The following FRMPD3 variants were observed in gnomAD, a reference collection of about 807,000 sequenced individuals.
FRMPD3 encodes FERM and PDZ domain containing 3.
In FRMPD3, 42 loss-of-function variants were observed where a neutral mutation model predicts 97.9. The observed-to-expected ratio is 0.43, with a 90% CI of 0.34 to 0.55. The LOEUF is 0.55. Ranked by LOEUF, FRMPD3 falls within the 20% of genes least tolerant of loss-of-function variation. The pLI is 0.03. For missense variants in FRMPD3, 1,303 were observed against 1,457.7 expected (o/e 0.89, Z 1.73); for synonymous variants, 577 against 581.1 (o/e 0.99, Z 0.10).
intron 14 of FRMPD3, among the ~76,000 whole-genome samples, chrX:107,598,991 A>G (rs1480011415): frequency 8.9e-6 from 1 of 111,769 alleles, no homozygotes; most frequent in Non-Finnish European, 1.9e-5. Flanking sequence ...AAGAGAAGAG[A>G]GCTGGGCGTG....
intron 4 of FRMPD3, among the ~76,000 whole-genome samples, chrX:107,543,299 C>G (rs1921405718): frequency 1.8e-5 from 2 of 111,287 alleles, no homozygotes; most frequent in Non-Finnish European, 3.8e-5. Flanking sequence ...AGCTGCCTCT[C>G]TGAGCATCTC....
chrX:107,485,959 C>T (rs780100885), intron 1 of FRMPD3, among the ~76,000 whole-genome samples: 4 of 112,175 alleles, frequency 3.6e-5, no homozygotes, highest in Admixed American at 9.4e-5. Flanking sequence ...CACCTGCAAT[C>T]GGCCATTCTC....
intron 1 of FRMPD3, among the ~76,000 whole-genome samples, chrX:107,453,932 GGAAA>G (rs1167887943): frequency 8.9e-6 from 1 of 111,989 alleles, no homozygotes; most frequent in Non-Finnish European, 1.9e-5. Flanking sequence ...GGAGAGAGAG[GGAAA>G]GAGGTGCTAC....
At chrX:107,568,479 G>A (rs1922706661) in intron 12 of FRMPD3, among the ~76,000 whole-genome samples, 1 of 97,903 alleles carries the variant, frequency 1.0e-5, no homozygotes, top group Non-Finnish European at 2.0e-5. Context: ...GGAGGCCAAG[G>A]GAGGCAGATC....
chrX:107,477,345 AG>A (rs1369921743), intron 1 of FRMPD3, among the ~76,000 whole-genome samples: 8 of 14,280 alleles, frequency 5.6e-4, no homozygotes, highest in Non-Finnish European at 1.2e-3. Flanking sequence ...GAAATGCAGG[AG>A]GGGGGCTGGG....
intron 1 of FRMPD3, among the ~76,000 whole-genome samples, chrX:107,474,787 C>T (rs1921156036): frequency 9.0e-6 from 1 of 111,278 alleles, no homozygotes; most frequent in Non-Finnish European, 1.9e-5. Flanking sequence ...CTACTCTGTG[C>T]TGGAAAATAT....
chrX:107,577,666 C>T (rs2147619237), intron 13 of FRMPD3, among the ~76,000 whole-genome samples: 1 of 110,137 alleles, frequency 9.1e-6, no homozygotes, highest in Middle Eastern at 4.7e-3. Flanking sequence ...AACAAACAAA[C>T]AAACAGTAGT....
At chrX:107,539,777 G>A (rs1329893824) in intron 4 of FRMPD3, among the ~76,000 whole-genome samples, 2 of 111,249 alleles carry the variant, frequency 1.8e-5, no homozygotes, top group Non-Finnish European at 3.8e-5. Context: ...TGGTACTAGG[G>A]GGAGACATAT....
At chrX:107,561,592 G>A (rs1922365876) in intron 10 of FRMPD3, among the ~76,000 whole-genome samples, 1 of 111,524 alleles carries the variant, frequency 9.0e-6, no homozygotes. Flanking sequence ...CAGCTTCTTA[G>A]CTTTGTAAGA....
intron 10 of FRMPD3, among the ~76,000 whole-genome samples, chrX:107,561,330 C>A (rs139304966): frequency 9.1e-6 from 1 of 110,357 alleles, no homozygotes; most frequent in East Asian, 2.8e-4. Flanking sequence ...GAGACAGCGT[C>A]TTTACTTTTA....
chrX:107,570,013 CAA>C (rs1298281050), intron 12 of FRMPD3, among the ~76,000 whole-genome samples: 1 of 43,843 alleles, frequency 2.3e-5, no homozygotes. Flanking sequence ...AAGAGACAGT[CAA>C]AAAAAAAAGG....
At chrX:107,515,261 T>G (rs1021842450) in intron 1 of FRMPD3, among the ~76,000 whole-genome samples, 2 of 111,211 alleles carry the variant, frequency 1.8e-5, no homozygotes, top group African/African-American at 6.5e-5. Flanking sequence ...TATCTAGTGA[T>G]TAAGTCGGGA....
rs1276061573 is a variant in FRMPD3 at position 107,603,406 on chromosome X, C to A, written c.*33C>A. 1 of 1,123,343 alleles carries A rather than the reference C, an allele frequency of 8.9e-7. No homozygotes were observed. Among genetic ancestry groups the A allele is most frequent in the Non-Finnish European group, 1.2e-6 (1 of 850,744 alleles). 92.6% of individuals were successfully genotyped at this position (1,123,343 alleles called of 1,213,427 possible). ...GCCCACACCTGTCCCCCTTCCCCAA[C>A]CATGGCCCCAGGTTTGAGCTTTGTG... On this transcript the variant is annotated 3_prime_UTR_variant, in exon 15 of 15. Transcript: ENST00000683843.
intron 1 of FRMPD3, among the ~76,000 whole-genome samples, chrX:107,490,263 G>A (rs1251493141): frequency 1.8e-5 from 2 of 111,994 alleles, no homozygotes; most frequent in Non-Finnish European, 3.8e-5. Context: ...GTTTGAAGTT[G>A]GGTAGTGTGA....
intron 6 of FRMPD3, among the ~76,000 whole-genome samples, chrX:107,551,625 G>T (rs149487727): frequency 1.3e-3 from 149 of 112,103 alleles, no homozygotes; most frequent in African/African-American, 4.7e-3. Flanking sequence ...GTGTGCTGGC[G>T]ACTTATTGGA....
intron 1 of FRMPD3, among the ~76,000 whole-genome samples, chrX:107,455,253 C>T (rs1368263277): frequency 1.5e-4 from 17 of 111,937 alleles, no homozygotes; most frequent in Admixed American, 1.1e-3. Flanking sequence ...TCAACTCCTC[C>T]GTCTCTAAAA....
intron 13 of FRMPD3, among the ~76,000 whole-genome samples, chrX:107,588,298 A>C (rs1443272927): frequency 9.3e-6 from 1 of 107,605 alleles, no homozygotes; most frequent in Non-Finnish European, 1.9e-5. Context: ...CTTGTTGCCC[A>C]GGCTGGAGTG....
intron 1 of FRMPD3, among the ~76,000 whole-genome samples, chrX:107,475,647 C>A (rs777070790): frequency 8.9e-6 from 1 of 112,175 alleles, no homozygotes; most frequent in South Asian, 3.7e-4. Context: ...ATGTAAGGCC[C>A]AGTGAAATGG....
chrX:107,594,669 G>T (rs946518331), intron 13 of FRMPD3, among the ~76,000 whole-genome samples: 4 of 111,909 alleles, frequency 3.6e-5, no homozygotes, highest in Non-Finnish European at 7.5e-5. Flanking sequence ...ATTACTTGAG[G>T]TCAGGAGTTC....
Sources: allele counts gnomAD v4.1 joint callset (sites outside exome capture counted in the v4.1 genomes callset), GRCh38; gene constraint gnomAD v4.1.1; transcripts MANE v1.5; gene names NCBI Gene and HGNC (gene_info 2026-07-23, HGNC 2026-07-21).